LRP1B: variants seen among roughly 807,000 people sequenced by gnomAD.
The protein encoded by LRP1B is LDL receptor related protein 1B.
A neutral mutation model predicts 556.6 loss-of-function variants in LRP1B; 217 were observed. The observed-to-expected ratio is 0.39, with a 90% CI of 0.35 to 0.44. LRP1B has a LOEUF of 0.44. LRP1B is among the 20% of genes least tolerant of loss of function. The probability of loss-of-function intolerance (pLI) is 1.00; values close to 1 mark genes in which losing one functional copy is unlikely to be tolerated. For synonymous variants in LRP1B, 2,047 were observed against 1,865.8 expected (o/e 1.10, Z -2.50); for missense variants, 5,053 against 5,620.8 (o/e 0.90, Z 3.23).
At chr2:140,617,449 G>A (rs1683297634) in intron 41 of LRP1B, among the ~76,000 whole-genome samples, 1 of 151,956 alleles carries the variant, frequency 6.6e-6, no homozygotes, top group Non-Finnish European at 1.5e-5. Context: ...ATGTGATCTA[G>A]TCAGTGCAGT....
intron 2 of LRP1B, among the ~76,000 whole-genome samples, chr2:141,579,800 T>C (rs1261078078): frequency 6.9e-6 from 1 of 144,004 alleles, no homozygotes; most frequent in Non-Finnish European, 1.5e-5. Context: ...CCTGGGTTCA[T>C]GCCATTCTCC....
intron 2 of LRP1B, among the ~76,000 whole-genome samples, chr2:141,795,106 A>T (rs1023605135): frequency 4.6e-5 from 7 of 152,142 alleles, no homozygotes; most frequent in African/African-American, 1.7e-4. Flanking sequence ...CTAATTGATC[A>T]ACAGTGTTTT....
At chr2:140,540,303 C>T (rs75477802) in intron 45 of LRP1B, among the ~76,000 whole-genome samples, 7 of 152,158 alleles carry the variant, frequency 4.6e-5, no homozygotes, top group East Asian at 1.9e-4. Flanking sequence ...ATTGCCTTAA[C>T]GTTAAAAGGA....
intron 2 of LRP1B, among the ~76,000 whole-genome samples, chr2:141,747,621 C>T (rs1693962170): frequency 6.6e-6 from 1 of 152,024 alleles, no homozygotes; most frequent in African/African-American, 2.4e-5. Context: ...CAGAGCGAGA[C>T]TCTAAATAAA....
At chr2:141,547,495 C>A (rs1162983160) in intron 2 of LRP1B, among the ~76,000 whole-genome samples, 1 of 152,154 alleles carries the variant, frequency 6.6e-6, no homozygotes, top group African/African-American at 2.4e-5. Context: ...TGTCCTAATT[C>A]TTTAGCCTGA....
At chr2:140,866,007 GAGA>G (rs1692939328) in intron 27 of LRP1B, among the ~76,000 whole-genome samples, 1 of 152,082 alleles carries the variant, frequency 6.6e-6, no homozygotes, top group Admixed American at 6.6e-5. Flanking sequence ...GTAAATGAAG[GAGA>G]AGGACATTGA....
intron 2 of LRP1B, among the ~76,000 whole-genome samples, chr2:141,496,618 A>C (rs887589538): frequency 6.6e-6 from 1 of 152,074 alleles, no homozygotes; most frequent in Non-Finnish European, 1.5e-5. Context: ...GAATATTAAT[A>C]TATTGGCACA....
chr2:141,643,192 T>C (rs1689410889), intron 2 of LRP1B, among the ~76,000 whole-genome samples: 1 of 152,176 alleles, frequency 6.6e-6, no homozygotes, highest in Non-Finnish European at 1.5e-5. Context: ...ACTAATCTGG[T>C]ACTCTGCAAT....
At chr2:140,958,705 T>C (rs1336338973) in intron 18 of LRP1B, among the ~76,000 whole-genome samples, 2 of 151,544 alleles carry the variant, frequency 1.3e-5, no homozygotes, top group African/African-American at 4.8e-5. Flanking sequence ...TAAGTAAAAA[T>C]AAATTCACAT....
chr2:141,146,155 C>T (rs963959798), intron 7 of LRP1B, among the ~76,000 whole-genome samples: 1 of 151,906 alleles, frequency 6.6e-6, no homozygotes, highest in Admixed American at 6.6e-5. Flanking sequence ...GAACTCCTGA[C>T]CTCAAGTGAT....
chr2:141,966,322 G>A (rs1454205760), intron 1 of LRP1B, among the ~76,000 whole-genome samples: 1 of 151,448 alleles, frequency 6.6e-6, no homozygotes, highest in Non-Finnish European at 1.5e-5. Flanking sequence ...TTAAAATGTT[G>A]TGAAGAAAAA....
intron 83 of LRP1B, among the ~76,000 whole-genome samples, chr2:140,309,745 G>A (rs1573768951): frequency 6.6e-6 from 1 of 151,482 alleles, no homozygotes; most frequent in Non-Finnish European, 1.5e-5. Flanking sequence ...GGCATATCTG[G>A]AAAATACAAA....
chr2:140,485,664 C>A (rs147132831), intron 58 of LRP1B, 140 bp from the exon 59 acceptor site: 2 of 577,368 alleles, frequency 3.5e-6, no homozygotes, highest in Admixed American at 7.2e-5. Flanking sequence ...AATAATTGAC[C>A]GCAATACAAT....
In LRP1B at chr2:140,872,082, A is replaced by AT. The variant is rs35149993; in HGVS notation, c.4170-3820dup. The stretch of plus-strand genomic sequence containing the variant: ...TTTTTTTTCTCTCCTAGGACCTTGT[A>AT]TTTTTTTTTTTTTTTTGAGCAAAAG... On this transcript the variant is annotated intron_variant, in intron 25 of 90. Transcript: ENST00000389484. Among the ~76,000 whole-genome samples, 370 of 109,572 alleles carry AT rather than the reference A, an allele frequency of 3.4e-3. 3 individuals carry two copies. The highest frequency in any genetic ancestry group is 0.011 in the African/African-American group (311 of 28,002). The allele number at this position is 109,572 out of a possible 152,430, so 71.9% of individuals were successfully genotyped here. A position where few individuals can be genotyped will look rare whatever the true frequency, so the allele number is the denominator to read the frequency against.
intron 1 of LRP1B, among the ~76,000 whole-genome samples, chr2:141,869,690 T>C (rs944019226): frequency 5.9e-5 from 9 of 152,118 alleles, no homozygotes; most frequent in Non-Finnish European, 1.2e-4. Context: ...TCATTGTCTT[T>C]GAAAGTTTGA....
chr2:141,404,065 G>C (rs542939462), intron 3 of LRP1B, among the ~76,000 whole-genome samples: 1 of 152,096 alleles, frequency 6.6e-6, no homozygotes, highest in Admixed American at 6.5e-5. Context: ...AAACTCAAAA[G>C]GTTCCAGATG....
At chr2:140,240,451 A>G (rs1680899999) in intron 87 of LRP1B, among the ~76,000 whole-genome samples, 1 of 150,764 alleles carries the variant, frequency 6.6e-6, no homozygotes, top group African/African-American at 2.4e-5. Context: ...AGGGTAATCG[A>G]TATTTTTAGT....
chr2:140,374,559 A>G (rs183795738), intron 68 of LRP1B, among the ~76,000 whole-genome samples: 126 of 152,352 alleles, frequency 8.3e-4, no homozygotes, highest in African/African-American at 3.0e-3. Context: ...AGAGAATGTC[A>G]TAAGAAAGAG....
chr2:140,621,473 C>G (rs990216303), intron 41 of LRP1B, among the ~76,000 whole-genome samples: 1 of 140,688 alleles, frequency 7.1e-6, no homozygotes, highest in Non-Finnish European at 1.6e-5. Flanking sequence ...TATAAGGAAA[C>G]AACATTTTTT....
Sources: allele counts gnomAD v4.1 joint callset (sites outside exome capture counted in the v4.1 genomes callset), GRCh38; gene constraint gnomAD v4.1.1; transcripts MANE v1.5; gene names NCBI Gene and HGNC (gene_info 2026-07-23, HGNC 2026-07-21).